The following PCDH7 variants were observed in gnomAD, a reference collection of about 807,000 sequenced individuals.
The protein encoded by PCDH7 is protocadherin 7, also known as protocadherin-7.
Under a neutral mutation model 58.9 loss-of-function variants are expected in PCDH7, and 17 were observed. The observed-to-expected ratio is 0.29, with a 90% CI of 0.20 to 0.43. PCDH7 has a LOEUF of 0.43. Among genes scored for constraint, PCDH7 ranks in the 20% least tolerant of loss-of-function variants. PCDH7 has a pLI of 1.00. For missense variants in PCDH7, 1,274 were observed against 1,441.0 expected (o/e 0.88, Z 1.88); for synonymous variants, 664 against 616.4 (o/e 1.08, Z -1.14).
At chr4:31,019,330 T>G (rs1270589545) in intron 3 of PCDH7, among the ~76,000 whole-genome samples, 1 of 152,212 alleles carries the variant, frequency 6.6e-6, no homozygotes, top group Non-Finnish European at 1.5e-5. Context: ...ATTTCATTTA[T>G]TTAGTAAAAA....
At chr4:30,902,791 A>T (rs1467380705) in intron 1 of PCDH7, among the ~76,000 whole-genome samples, 1 of 152,188 alleles carries the variant, frequency 6.6e-6, no homozygotes, top group Non-Finnish European at 1.5e-5. Context: ...TGAAATGTAA[A>T]CAGGCTTAGA....
At chr4:30,728,616 A>C (rs569336874) in intron 1 of PCDH7, among the ~76,000 whole-genome samples, 2 of 151,772 alleles carry the variant, frequency 1.3e-5, no homozygotes, top group Non-Finnish European at 3.0e-5. Flanking sequence ...TCATCCATTG[A>C]TTTGATCCGC....
At chr4:30,745,248 G>GTT (rs60062972) in intron 1 of PCDH7, among the ~76,000 whole-genome samples, 1 of 146,792 alleles carries the variant, frequency 6.8e-6, no homozygotes. Flanking sequence ...TTTACATCTT[G>GTT]TTTTTTTTTT....
At chr4:30,898,584 A>G (rs1739755616) in intron 1 of PCDH7, among the ~76,000 whole-genome samples, 1 of 152,146 alleles carries the variant, frequency 6.6e-6, no homozygotes, top group Non-Finnish European at 1.5e-5. Context: ...TGAGGTGTAG[A>G]TGGAGCTGAA....
At chr4:31,072,781 A>T (rs1458694027) in intron 3 of PCDH7, among the ~76,000 whole-genome samples, 1 of 152,182 alleles carries the variant, frequency 6.6e-6, no homozygotes, top group Non-Finnish European at 1.5e-5. Context: ...CATTGAGTTC[A>T]TGGAGTTCCT....
rs541983170 is a variant in PCDH7 at position 31,086,639 on chromosome 4, A to G, written c.*8-55834A>G. ...AATCAACTTCTGTGGGGATATTTAT[A>G]TGTTTATGTTTCTGTCTCTGTAGGT... On this transcript the variant is annotated intron_variant, in intron 3 of 3. Transcript: ENST00000509759. Among the ~76,000 whole-genome samples the G allele has an allele frequency of 8.5e-5, 13 of 152,296 alleles. No individual in the cohort carries two copies. The South Asian group carries it at 2.5e-3, about 29-fold the overall frequency.
At chr4:30,798,527 G>T (rs1171848339) in intron 1 of PCDH7, among the ~76,000 whole-genome samples, 1 of 152,178 alleles carries the variant, frequency 6.6e-6, no homozygotes, top group Non-Finnish European at 1.5e-5. Flanking sequence ...CAACAAAAGA[G>T]AAACATATTA....
At chr4:31,126,570 C>T (rs1205436790) in intron 3 of PCDH7, among the ~76,000 whole-genome samples, 1 of 152,070 alleles carries the variant, frequency 6.6e-6, no homozygotes, top group Non-Finnish European at 1.5e-5. Flanking sequence ...CAGTTAAGTC[C>T]ATTTCTTCTT....
At chr4:30,957,861 A>G (rs895969139) in intron 3 of PCDH7, among the ~76,000 whole-genome samples, 2 of 152,146 alleles carry the variant, frequency 1.3e-5, no homozygotes, top group African/African-American at 2.4e-5. Flanking sequence ...AATTTGCTTT[A>G]CTGCTAACTC....
chr4:30,961,743 A>G (rs1160231167), intron 3 of PCDH7, among the ~76,000 whole-genome samples: 3 of 152,190 alleles, frequency 2.0e-5, no homozygotes, highest in African/African-American at 7.2e-5. Flanking sequence ...CTTCATTTGC[A>G]TAAAACTTTT....
At chr4:30,735,495 C>T (rs1716120452), downstream of PCDH7, among the ~76,000 whole-genome samples, 1 of 152,124 alleles carries the variant, frequency 6.6e-6, no homozygotes, top group South Asian at 2.1e-4. Context: ...AGGACTCCTC[C>T]TTTAAAGTGT....
In PCDH7 at chr4:30,912,415, A is replaced by C. The variant is rs555299028; in HGVS notation, c.71-7738A>C. On this transcript the variant is annotated intron_variant, in intron 1 of 3. Coordinates refer to the PCDH7 transcript ENST00000509759. ...ATGAAATGCAGCACTCCTTATAATA[A>C]TGCAATGTTCTGCTCCATGACTGTT... 3.3e-5 allele frequency among the ~76,000 whole-genome samples: 5 copies of C among 152,274 alleles called. No homozygotes were observed. In the South Asian group the frequency reaches 6.2e-4, roughly 19 times the overall value.
At chr4:31,081,450 A>T (rs1166206033) in intron 3 of PCDH7, among the ~76,000 whole-genome samples, 7 of 152,190 alleles carry the variant, frequency 4.6e-5, no homozygotes, top group Admixed American at 3.3e-4. Flanking sequence ...TGGAAATGTG[A>T]TAGATTTAGA....
At position 31,048,496 on chromosome 4, in the gene PCDH7, G is replaced by C. The variant is rs374891497; in HGVS notation, c.*8-93977G>C. 1.5e-4 allele frequency among the ~76,000 whole-genome samples: 23 copies of C among 152,176 alleles called. 1 individual carries two copies. Among genetic ancestry groups the C allele is most frequent in the African/African-American group, 5.5e-4 (23 of 41,532 alleles). On this transcript the variant is annotated intron_variant, in intron 3 of 3. Coordinates refer to the PCDH7 transcript ENST00000509759. ...CAGTTAGAATCTTTCCATGTCAGTA[G>C]AATTCAGGACTAATTTGCTGTGATT...
chr4:30,889,438 A>T (rs1014108078), intron 1 of PCDH7, among the ~76,000 whole-genome samples: 8 of 152,282 alleles, frequency 5.3e-5, no homozygotes, highest in African/African-American at 1.9e-4. Context: ...CACCAAATGA[A>T]CTTTCATAGT....
chr4:30,984,292 G>T (rs756891747), intron 3 of PCDH7, among the ~76,000 whole-genome samples: 2 of 152,160 alleles, frequency 1.3e-5, no homozygotes, highest in Admixed American at 1.3e-4. Flanking sequence ...TTGGATAAAG[G>T]CCTGGCCTTC....
intron 3 of PCDH7, among the ~76,000 whole-genome samples, chr4:30,959,387 A>G (rs367659982): frequency 6.6e-6 from 1 of 152,122 alleles, no homozygotes; most frequent in South Asian, 2.1e-4. Flanking sequence ...TAAAGTCCAA[A>G]TATCAGAGAT....
At chr4:30,935,006 A>G (rs1232319222) in intron 2 of PCDH7, among the ~76,000 whole-genome samples, 4 of 152,080 alleles carry the variant, frequency 2.6e-5, no homozygotes, top group African/African-American at 9.7e-5. Context: ...TATTTTTTGG[A>G]AGTTAGCATT....
At chr4:31,102,920 T>C (rs1715086460) in intron 3 of PCDH7, among the ~76,000 whole-genome samples, 1 of 152,212 alleles carries the variant, frequency 6.6e-6, no homozygotes, top group African/African-American at 2.4e-5. Flanking sequence ...TTGTTCATTA[T>C]GTGTCATAGA....
Sources: gnomAD v4.1 joint callset for allele counts (sites outside exome capture counted in the v4.1 genomes callset) on GRCh38, gnomAD v4.1.1 for gene constraint, MANE v1.5 for transcripts, NCBI Gene and HGNC (gene_info 2026-07-23, HGNC 2026-07-21) for gene names.